The following PRKN variants were observed in gnomAD, a reference collection of about 807,000 sequenced individuals.
The protein encoded by PRKN is parkin RBR E3 ubiquitin protein ligase, also known as E3 ubiquitin-protein ligase parkin.
Under a neutral mutation model 59.5 loss-of-function variants are expected in PRKN, and 56 were observed. The observed-to-expected ratio is 0.94, with a 90% CI of 0.76 to 1.18. The LOEUF (loss-of-function observed/expected upper bound fraction) is 1.18. Among genes scored for constraint, PRKN ranks in the 50% most tolerant of loss-of-function variants. The pLI, the probability that PRKN is intolerant of heterozygous loss-of-function variation, is 0.00. For missense variants in PRKN, 657 were observed against 596.4 expected, an observed-to-expected ratio of 1.10 and a Z score of -1.06; for synonymous variants, 250 against 222.1, an observed-to-expected ratio of 1.13 and a Z score of -1.12.
intron 4 of PRKN, among the ~76,000 whole-genome samples, chr6:162,137,011 TG>T (rs1781584102): frequency 6.6e-6 from 1 of 151,952 alleles, no homozygotes; most frequent in Non-Finnish European, 1.5e-5. Context: ...TAAAGAGGAA[TG>T]TGTGAAAATG....
At chr6:162,492,786 C>T (rs1200848038) in intron 1 of PRKN, among the ~76,000 whole-genome samples, 3 of 151,948 alleles carry the variant, frequency 2.0e-5, no homozygotes, top group African/African-American at 7.3e-5. Context: ...TCTGTCTCTA[C>T]TAAAAAATAC....
intron 6 of PRKN, among the ~76,000 whole-genome samples, chr6:161,827,389 G>A (rs1792289098): frequency 6.6e-6 from 1 of 152,110 alleles, no homozygotes; most frequent in Non-Finnish European, 1.5e-5. Context: ...AATTATCACT[G>A]CAGGTAGGTA....
chr6:161,755,793 G>A (rs1457627511), intron 7 of PRKN, among the ~76,000 whole-genome samples: 10 of 152,096 alleles, frequency 6.6e-5, no homozygotes, highest in Non-Finnish European at 1.5e-4. Context: ...GACGTGTGCT[G>A]TTGGCTGGCT....
chr6:162,613,309 G>A (rs569121676), intron 1 of PRKN, among the ~76,000 whole-genome samples: 10 of 152,250 alleles, frequency 6.6e-5, no homozygotes, highest in African/African-American at 2.4e-4. Flanking sequence ...CTGTTTTTTA[G>A]GGAATAGAGA....
At chr6:162,474,952 A>G (rs960387775) in intron 1 of PRKN, among the ~76,000 whole-genome samples, 3 of 152,224 alleles carry the variant, frequency 2.0e-5, no homozygotes, top group Non-Finnish European at 4.4e-5. Flanking sequence ...AAATGTCAAA[A>G]TAAAATTCAA....
At chr6:162,277,508 A>G (rs139379932) in intron 2 of PRKN, among the ~76,000 whole-genome samples, 1 of 152,268 alleles carries the variant, frequency 6.6e-6, no homozygotes, top group East Asian at 1.9e-4. Context: ...ATACATGATA[A>G]CTGAATGTGA....
chr6:162,183,772 C>T lies in PRKN; in HGVS notation c.534+17359G>A, dbSNP rs139417561. Among the ~76,000 whole-genome samples, 1,195 of 152,212 alleles carry T rather than the reference C, an allele frequency of 7.9e-3. 18 individuals are homozygous for T. Among genetic ancestry groups the T allele is most frequent in the African/African-American group, 0.025 (1,054 of 41,518 alleles). On this transcript the variant is annotated intron_variant, in intron 4 of 11. Coordinates refer to ENST00000366898, the MANE Select transcript of PRKN (RefSeq NM_004562.3). ...AAAACTTTACTAACACTTGAATTGC[C>T]GCAGTATGCCGCCCCTCGATCCCTA...
At chr6:161,368,321 ATATATATTTGTATATATATTTG>A (rs1227788115) in intron 10 of PRKN, among the ~76,000 whole-genome samples, 1 of 142,066 alleles carries the variant, frequency 7.0e-6, no homozygotes, top group Non-Finnish European at 1.5e-5. Context: ...ATATATATTT[ATATATATTTGTATATATATTTG>A]TATATATATT....
chr6:162,139,868 C>G (rs1781704810), intron 4 of PRKN, among the ~76,000 whole-genome samples: 1 of 148,860 alleles, frequency 6.7e-6, no homozygotes, highest in South Asian at 2.1e-4. Context: ...CATTATGAAC[C>G]TGACAGAGCG....
chr6:162,040,034 G>A (rs1451742248), intron 5 of PRKN, among the ~76,000 whole-genome samples: 4 of 152,170 alleles, frequency 2.6e-5, no homozygotes, highest in African/African-American at 4.8e-5. Context: ...TGCTCTGCTT[G>A]ACAACAGCTG....
At chr6:161,775,624 C>A (rs573348086) in intron 7 of PRKN, among the ~76,000 whole-genome samples, 1 of 152,258 alleles carries the variant, frequency 6.6e-6, no homozygotes, top group East Asian at 1.9e-4. Context: ...TGTAACGCAT[C>A]TTTTAATATA....
At chr6:161,416,104 G>A (rs992217745) in intron 9 of PRKN, among the ~76,000 whole-genome samples, 19 of 152,094 alleles carry the variant, frequency 1.2e-4, no homozygotes, top group African/African-American at 4.1e-4. Flanking sequence ...CTTCCACGGC[G>A]CCTATGGAAA....
rs930200922 is a variant in PRKN, at chr6:161,593,298, G to A, written c.872-23882C>T. 6.6e-6 allele frequency among the ~76,000 whole-genome samples: 1 copy of A among 152,196 alleles called. No individual in the cohort carries two copies. Among genetic ancestry groups the A allele is most frequent in the Non-Finnish European group, 1.5e-5 (1 of 68,044 alleles). Reference sequence around the variant, plus strand: ...GGGCTGCTTTGAGTGTGAGGGCAGGGCTATTGATATTTTCATTATCCCCAT... The same window carrying A: ...GGGCTGCTTTGAGTGTGAGGGCAGGACTATTGATATTTTCATTATCCCCAT... On this transcript the variant is annotated intron_variant, in intron 7 of 11. Coordinates refer to ENST00000366898, the MANE Select transcript of PRKN (RefSeq NM_004562.3). This position sits in a 1 kb window ranked among gnomAD's most constrained non-coding sequence, Gnocchi z 4.8.
intron 6 of PRKN, among the ~76,000 whole-genome samples, chr6:161,796,895 C>A (rs1790873185): frequency 6.6e-6 from 1 of 152,172 alleles, no homozygotes; most frequent in African/African-American, 2.4e-5. Context: ...CTGTGCAAAA[C>A]AGCTAGAAGC....
At chr6:162,683,725 G>A (rs1312776505) in intron 1 of PRKN, among the ~76,000 whole-genome samples, 10 of 152,146 alleles carry the variant, frequency 6.6e-5, no homozygotes, top group Admixed American at 5.9e-4. Flanking sequence ...AAACAAATTT[G>A]TCTTTGTCTT....
intron 3 of PRKN, among the ~76,000 whole-genome samples, chr6:162,208,859 A>C (rs1391719306): frequency 6.6e-6 from 1 of 152,188 alleles, no homozygotes; most frequent in Non-Finnish European, 1.5e-5. Flanking sequence ...ATCTTGGCTT[A>C]AAGAGGCAGC....
At chr6:162,011,442 T>TTTTATAATATATATATTATATA (rs1782696736) in intron 5 of PRKN, among the ~76,000 whole-genome samples, 1 of 11,220 alleles carries the variant, frequency 8.9e-5, no homozygotes, top group African/African-American at 5.2e-4. Flanking sequence ...ATGTTATATA[T>TTTTATAATATATATATTATATA]TTATAATATA....
At chr6:161,988,143 A>G (rs1330749530) in intron 5 of PRKN, among the ~76,000 whole-genome samples, 1 of 152,168 alleles carries the variant, frequency 6.6e-6, no homozygotes, top group African/African-American at 2.4e-5. Flanking sequence ...CTGTTGGGGA[A>G]AAGTCAGGAA....
chr6:162,186,814 C>A (rs1035869108), intron 4 of PRKN, among the ~76,000 whole-genome samples: 1 of 152,170 alleles, frequency 6.6e-6, no homozygotes, highest in African/African-American at 2.4e-5. Flanking sequence ...TTGCCTTCTG[C>A]GGTGACTGGA....
Sources: gnomAD v4.1 joint callset for allele counts (sites outside exome capture counted in the v4.1 genomes callset) on GRCh38, gnomAD v4.1.1 for gene constraint, Gnocchi (gnomAD v3.1) non-coding constraint, MANE v1.5 for transcripts, NCBI Gene and HGNC (gene_info 2026-07-23, HGNC 2026-07-21) for gene names.